The following ASAP1 variants were observed in gnomAD, a reference collection of about 807,000 sequenced individuals.
The protein encoded by ASAP1 is ArfGAP with SH3 domain, ankyrin repeat and PH domain 1.
Under a neutral mutation model 145.2 loss-of-function variants are expected in ASAP1, and 43 were observed. The observed-to-expected ratio is 0.30, with a 90% confidence interval of 0.23 to 0.38. ASAP1 has a LOEUF of 0.38. ASAP1 is among the 10% of genes least tolerant of loss of function. The pLI is 1.00. For missense variants in ASAP1, 1,018 were observed against 1,355.3 expected (o/e 0.75, Z 3.91); for synonymous variants, 546 against 515.5 (o/e 1.06, Z -0.80).
intron 15 of ASAP1, among the ~76,000 whole-genome samples, chr8:130,131,623 A>AGACACG: frequency 6.6e-6 from 1 of 151,050 alleles, no homozygotes. Context: ...AAAAAAAAAA[A>AGACACG]AAAAAAAGAA....
chr8:130,259,355 T>C (rs1819755830), intron 3 of ASAP1, among the ~76,000 whole-genome samples: 1 of 152,208 alleles, frequency 6.6e-6, no homozygotes, highest in South Asian at 2.1e-4. Context: ...TCTCACGAGT[T>C]CCTTCTATGA....
chr8:130,081,406 C>G (rs1422643942), intron 25 of ASAP1, among the ~76,000 whole-genome samples: 1 of 152,194 alleles, frequency 6.6e-6, no homozygotes, highest in Admixed American at 6.5e-5. Context: ...CACCCTGTCT[C>G]TGGGGCTCTA....
At chr8:130,175,208 C>G (rs147789841) in intron 9 of ASAP1, among the ~76,000 whole-genome samples, 1 of 152,180 alleles carries the variant, frequency 6.6e-6, no homozygotes, top group East Asian at 1.9e-4. Flanking sequence ...ACGTGTTTTT[C>G]TGGCCATTTG....
chr8:130,085,519 G>A (rs1334138214), intron 25 of ASAP1, among the ~76,000 whole-genome samples: 1 of 152,062 alleles, frequency 6.6e-6, no homozygotes, highest in Non-Finnish European at 1.5e-5. Flanking sequence ...AGGATCACCT[G>A]AGCCCAGGAG....
chr8:130,095,700 C>T (rs1327705875), intron 24 of ASAP1, among the ~76,000 whole-genome samples: 5 of 151,064 alleles, frequency 3.3e-5, no homozygotes, highest in African/African-American at 1.2e-4. Context: ...CTCACTGCAA[C>T]TTCTGCCTCC....
In ASAP1 at chr8:130,381,816, C is replaced by T. The variant is rs142213160; in HGVS notation, c.59+20069G>A. Among the ~76,000 whole-genome samples, 62 of 152,338 alleles carry T rather than the reference C, an allele frequency of 4.1e-4. No homozygotes were observed. In the East Asian group the frequency reaches 0.011, roughly 26 times the overall value. ...ACCCCCCTGAGGGCCTTTGCACGTG[C>T]TGTTCCCCTCAGCTGGAATGCCCTG... On this transcript the variant is annotated intron_variant, in intron 2 of 29. Transcript: ENST00000518721.
chr8:130,057,170 A>G (rs1328469135), intron 29 of ASAP1, among the ~76,000 whole-genome samples: 3 of 152,216 alleles, frequency 2.0e-5, no homozygotes, highest in Non-Finnish European at 2.9e-5. Flanking sequence ...GGACTTGTCA[A>G]CTGCTCAGCC....
intron 1 of ASAP1, among the ~76,000 whole-genome samples, chr8:130,439,818 CAGG>C (rs1236947257): frequency 2.0e-5 from 3 of 152,208 alleles, no homozygotes; most frequent in Non-Finnish European, 2.9e-5. Flanking sequence ...AGCTCCACAG[CAGG>C]CTGGTAATAA....
intron 24 of ASAP1, among the ~76,000 whole-genome samples, chr8:130,106,407 T>C (rs1321367805): frequency 6.6e-6 from 1 of 152,212 alleles, no homozygotes; most frequent in Non-Finnish European, 1.5e-5. Flanking sequence ...TGGCAGGTGC[T>C]GTCATATACT....
At chr8:130,284,343 T>C (rs896328192) in intron 3 of ASAP1, among the ~76,000 whole-genome samples, 11 of 152,120 alleles carry the variant, frequency 7.2e-5, no homozygotes, top group South Asian at 2.1e-4. Context: ...AAATTGTATA[T>C]ATAAATGGAT....
intron 24 of ASAP1, among the ~76,000 whole-genome samples, chr8:130,096,162 A>G (rs896493787): frequency 2.0e-5 from 3 of 152,222 alleles, no homozygotes; most frequent in African/African-American, 7.2e-5. Context: ...GTTGAAAAAT[A>G]CTATATATAA....
intron 28 of ASAP1, among the ~76,000 whole-genome samples, chr8:130,059,123 CTTAAT>C (rs1026676502): frequency 1.3e-5 from 2 of 152,056 alleles, no homozygotes; most frequent in East Asian, 3.9e-4. Context: ...TTTTATTTTT[CTTAAT>C]TTAAGTATTG....
chr8:130,357,268 C>T (rs557973768), intron 3 of ASAP1, among the ~76,000 whole-genome samples: 1 of 152,092 alleles, frequency 6.6e-6, no homozygotes, highest in Admixed American at 6.5e-5. Flanking sequence ...ACTGTCGCCT[C>T]GGGCCTCCCT....
At chr8:130,440,822 T>C (rs963503645) in intron 1 of ASAP1, among the ~76,000 whole-genome samples, 1 of 152,204 alleles carries the variant, frequency 6.6e-6, no homozygotes, top group Non-Finnish European at 1.5e-5. Flanking sequence ...CATTTTCCAA[T>C]CTCAGAAAGG....
intron 3 of ASAP1, among the ~76,000 whole-genome samples, chr8:130,249,041 A>T (rs1819034058): frequency 6.6e-6 from 1 of 152,082 alleles, no homozygotes; most frequent in South Asian, 2.1e-4. Flanking sequence ...TGGGACTACA[A>T]GTGTGTGCCT....
intron 5 of ASAP1, among the ~76,000 whole-genome samples, chr8:130,192,312 G>A (rs1037883468): frequency 6.9e-6 from 1 of 145,928 alleles, no homozygotes; most frequent in African/African-American, 2.5e-5. Context: ...TCTATTAGCT[G>A]TATTAAAATT....
intron 23 of ASAP1, among the ~76,000 whole-genome samples, chr8:130,113,774 C>CA (rs1379829379): frequency 1.4e-5 from 2 of 144,650 alleles, no homozygotes; most frequent in African/African-American, 5.0e-5. Flanking sequence ...CCCTTATGTA[C>CA]TTTTTTTTTT....
At chr8:130,074,865 C>T (rs2097458775) in intron 27 of ASAP1, among the ~76,000 whole-genome samples, 1 of 152,190 alleles carries the variant, frequency 6.6e-6, no homozygotes, top group African/African-American at 2.4e-5. Context: ...CAGACTGCCA[C>T]ACTGACTGTG....
chr8:130,342,629 G>A (rs980336009), intron 3 of ASAP1, among the ~76,000 whole-genome samples: 9 of 152,160 alleles, frequency 5.9e-5, no homozygotes, highest in African/African-American at 2.2e-4. Flanking sequence ...AACAAAAGCG[G>A]CTGTTACAAA....
Sources: allele counts gnomAD v4.1 joint callset (sites outside exome capture counted in the v4.1 genomes callset), GRCh38; gene constraint gnomAD v4.1.1; transcripts MANE v1.5; gene names NCBI Gene and HGNC (gene_info 2026-07-23, HGNC 2026-07-21).